P4HA2: variants seen among roughly 807,000 people sequenced by gnomAD.
P4HA2 encodes the protein prolyl 4-hydroxylase subunit alpha 2.
Under a neutral mutation model 76.9 loss-of-function variants are expected in P4HA2, and 46 were observed. That is an observed-to-expected ratio of 0.60 (90% CI 0.47 to 0.76). P4HA2 has a LOEUF of 0.76. Among genes scored for constraint, P4HA2 ranks in the 30% least tolerant of loss-of-function variants. The pLI is 0.00. For synonymous variants in P4HA2, 243 were observed against 254.0 expected (o/e 0.96, Z 0.41); for missense variants, 583 against 669.4 (o/e 0.87, Z 1.42).
At chr5:132,214,425 G>A (rs1208782734) in intron 4 of P4HA2, among the ~76,000 whole-genome samples, 1 of 152,124 alleles carries the variant, frequency 6.6e-6, no homozygotes, top group Non-Finnish European at 1.5e-5. Flanking sequence ...AGAGGACTCA[G>A]GAAGAACTGT....
chr5:132,204,688 C>T (rs1580679719), intron 8 of P4HA2, among the ~76,000 whole-genome samples: 1 of 152,230 alleles, frequency 6.6e-6, no homozygotes, highest in Non-Finnish European at 1.5e-5. Flanking sequence ...ACTGGGTTCC[C>T]ACAGCCTCAA....
At position 132,191,511 on chromosome 5, in the gene P4HA2, CAAAAAAAAAAA is replaced by C. The variant is rs76741539; in HGVS notation, c.*1488_*1498del. On this transcript the variant is annotated 3_prime_UTR_variant, in exon 15 of 15. Coordinates refer to ENST00000360568, the MANE Select transcript of P4HA2 (RefSeq NM_001017974.2). ...TGGGCGACAGAGCGAGACTCCGTCT[CAAAAAAAAAAA>C]AAAAAAAAAAGATTTCAACATATGA... Among the ~76,000 whole-genome samples the C allele has an allele frequency of 2.0e-5, 1 of 49,124 alleles. No individual in the cohort carries two copies. Among genetic ancestry groups the C allele is most frequent in the African/African-American group, 6.6e-5 (1 of 15,194 alleles). The allele number at this position is 49,124 out of a possible 152,430, so 32.2% of individuals were successfully genotyped here.
chr5:132,209,575 G>A lies in P4HA2; in HGVS notation c.710-244C>T, dbSNP rs554146604. Among the ~76,000 whole-genome samples the A allele has an allele frequency of 2.5e-4, 38 of 152,184 alleles. No homozygotes were observed. The East Asian group carries it at 6.6e-3, about 26-fold the overall frequency. ...AGGCGGGTGGATCACGTGAGGTCAC[G>A]AGTTCGAGACCAGCCTGACCAACAT... On this transcript the variant is annotated intron_variant, in intron 6 of 14. Coordinates refer to ENST00000360568, the MANE Select transcript of P4HA2 (RefSeq NM_001017974.2).
In P4HA2 at chr5:132,192,829, G is replaced by T; in HGVS notation, c.*181C>A. 1.7e-6 allele frequency: 1 copy of T among 574,908 alleles called. No individual in the cohort carries two copies. Among genetic ancestry groups the T allele is most frequent in the Non-Finnish European group, 3.1e-6 (1 of 318,480 alleles). 35.6% of individuals were successfully genotyped at this position (574,908 alleles called of 1,614,324 possible). ...CTTGGGGCCAGGGATGGCACAGGCT[G>T]AATGGAAGGGCTGGGACTTCAGTCA... On this transcript the variant is annotated 3_prime_UTR_variant, in exon 15 of 15. Coordinates refer to ENST00000360568, the MANE Select transcript of P4HA2 (RefSeq NM_001017974.2).
In P4HA2 at chr5:132,213,918, G is replaced by A. The variant is rs1475416460; in HGVS notation, c.467C>T (p.Pro156Leu). Reference sequence around the variant, plus strand: ...CAACGCCTGGAGTGGTGAGTTACCTGGAAGTTCCCCTCTGGAAATTGTGCC... The same window carrying A: ...CAACGCCTGGAGTGGTGAGTTACCTAGAAGTTCCCCTCTGGAAATTGTGCC... ...DPGTISRGEL[P>L]GTKYQAMLSV... is the part of the protein sequence containing the mutation. The change falls in exon 5 of 15, where the codon CCA (proline) becomes CTA (leucine). Residue 156 changes from proline (P) to leucine (L), a missense_variant and splice_region_variant. Coordinates refer to ENST00000360568, the MANE Select transcript of P4HA2 (RefSeq NM_001017974.2). The A allele has an allele frequency of 1.9e-6, 3 of 1,614,036 alleles. No homozygotes were observed. Among genetic ancestry groups the A allele is most frequent in the Non-Finnish European group, 2.5e-6 (3 of 1,179,920 alleles).
chr5:132,219,840 G>C (rs1442117310), intron 1 of P4HA2, among the ~76,000 whole-genome samples: 3 of 151,402 alleles, frequency 2.0e-5, no homozygotes, highest in Non-Finnish European at 2.9e-5. Flanking sequence ...TACTCTTTCA[G>C]AAGAAATCCT....
intron 10 of P4HA2, chr5:132,203,238 G>A (rs1751758266): frequency 6.3e-6 from 1 of 157,884 alleles, no homozygotes; most frequent in African/African-American, 2.4e-5. Context: ...CAGGGGTTTA[G>A]TGCCGCTTTC....
At chr5:132,208,866 G>C (rs1320095655) in intron 7 of P4HA2, among the ~76,000 whole-genome samples, 2 of 152,036 alleles carry the variant, frequency 1.3e-5, no homozygotes, top group African/African-American at 4.8e-5. Flanking sequence ...CCAACAGTGA[G>C]TGAAGCAAAA....
chr5:132,203,452 T>C (rs539622308), intron 10 of P4HA2: 29 of 390,918 alleles, frequency 7.4e-5, no homozygotes, highest in African/African-American at 5.4e-4. Context: ...CATTCAGGAT[T>C]TGAGCTTCTG....
chr5:132,208,797 C>G (rs1267195840), intron 7 of P4HA2, among the ~76,000 whole-genome samples: 1 of 152,078 alleles, frequency 6.6e-6, no homozygotes, highest in Non-Finnish European at 1.5e-5. Flanking sequence ...GAGACTTACT[C>G]TCCACTTATA....
intron 4 of P4HA2, 91 bp from the exon 5 acceptor site, chr5:132,214,144 T>C (rs1753527069): frequency 2.0e-5 from 27 of 1,346,042 alleles, no homozygotes; most frequent in Non-Finnish European, 2.6e-5. Flanking sequence ...AGAGGGTCTC[T>C]GGCTAGTGAA....
chr5:132,201,038 C>T (rs1175127812), intron 10 of P4HA2: 2 of 152,238 alleles, frequency 1.3e-5, no homozygotes, highest in Admixed American at 1.3e-4. Context: ...CCTTTAATAA[C>T]AAGAAACTGT....
chr5:132,217,441 G>A (rs1198862005), intron 3 of P4HA2, 93 bp from the exon 4 acceptor site: 23 of 1,235,660 alleles, frequency 1.9e-5, no homozygotes, highest in Non-Finnish European at 2.7e-5. Context: ...CTGGTGCCAG[G>A]TTCTGGGGCC....
chr5:132,223,853 G>A (rs1054949675), intron 1 of P4HA2, among the ~76,000 whole-genome samples: 1 of 152,200 alleles, frequency 6.6e-6, no homozygotes, highest in Admixed American at 6.5e-5. Context: ...ACAGAACCAA[G>A]AGTCAAACCC....
Position 132,213,802 on chromosome 5 carries a change from A to G in P4HA2, c.469+114T>C, listed in dbSNP as rs1192211612. 3.3e-6 allele frequency: 3 copies of G among 906,190 alleles called. No individual in the cohort carries two copies. In the African/African-American group the frequency reaches 5.0e-5, roughly 15 times the overall value. The allele number at this position is 906,190 out of a possible 1,614,324, so 56.1% of individuals were successfully genotyped here. The stretch of plus-strand genomic sequence containing the variant: ...GTCCAGCACAAACTGGTGAGCCAAG[A>G]GGTGCACCAGAGGTGCACCCGAGGT... On this transcript the variant is annotated intron_variant, in intron 5 of 14. Coordinates refer to ENST00000360568, the MANE Select transcript of P4HA2 (RefSeq NM_001017974.2).
At chr5:132,198,133 A>G in intron 12 of P4HA2, 188 bp downstream of exon 12, 3 of 1,602,546 alleles carry the variant, frequency 1.9e-6, no homozygotes, top group Middle Eastern at 1.7e-4. Context: ...ATCAGCCCTG[A>G]TGGGGGTGGG....
At chr5:132,227,668 C>A (rs1755587963) in intron 1 of P4HA2, 122 bp downstream of exon 1, 2 of 152,760 alleles carry the variant, frequency 1.3e-5, no homozygotes, top group Admixed American at 6.5e-5. Context: ...CGACCCCCGG[C>A]CCCGGATCCG....
At chr5:132,225,951 T>G (rs1381645262) in intron 1 of P4HA2, among the ~76,000 whole-genome samples, 1 of 152,140 alleles carries the variant, frequency 6.6e-6, no homozygotes, top group South Asian at 2.1e-4. Flanking sequence ...CGTGGCTTCA[T>G]TGGCTGGGCC....
At chr5:132,213,565 A>G (rs1753399859) in intron 5 of P4HA2, among the ~76,000 whole-genome samples, 1 of 152,222 alleles carries the variant, frequency 6.6e-6, no homozygotes, top group Admixed American at 6.5e-5. Context: ...TAGTAAGCCC[A>G]GATCAGCCTT....
Sources: gnomAD v4.1 joint callset for allele counts (sites outside exome capture counted in the v4.1 genomes callset) on GRCh38, gnomAD v4.1.1 for gene constraint, MANE v1.5 for transcripts, NCBI Gene and HGNC (gene_info 2026-07-23, HGNC 2026-07-21) for gene names.